Variants in GUCY1A2 observed in about 807,000 individuals in gnomAD.
The protein encoded by GUCY1A2 is guanylate cyclase soluble subunit alpha-2.
Under a neutral mutation model 63.5 loss-of-function variants are expected in GUCY1A2, and 27 were observed. The observed-to-expected ratio is 0.43, with a 90% CI of 0.31 to 0.59. GUCY1A2 has a LOEUF of 0.59. GUCY1A2 is among the 20% of genes least tolerant of loss of function. The probability of loss-of-function intolerance (pLI) is 0.11; values close to 1 mark genes in which losing one functional copy is unlikely to be tolerated. For missense variants in GUCY1A2, 768 were observed against 913.3 expected (o/e 0.84, Z 2.05); for synonymous variants, 364 against 343.5 (o/e 1.06, Z -0.66).
At chr11:106,968,555 C>T (rs1026030490) in intron 3 of GUCY1A2, among the ~76,000 whole-genome samples, 4 of 152,084 alleles carry the variant, frequency 2.6e-5, no homozygotes, top group Non-Finnish European at 5.9e-5. Flanking sequence ...AAATCACATG[C>T]GTTTCTTGTT....
chr11:106,747,472 A>G (rs948371619), intron 6 of GUCY1A2, among the ~76,000 whole-genome samples: 1 of 152,202 alleles, frequency 6.6e-6, no homozygotes, highest in East Asian at 1.9e-4. Flanking sequence ...ATACTGGAGG[A>G]TCTACTGCAA....
chr11:106,891,119 CCT>C (rs145358185), intron 4 of GUCY1A2, among the ~76,000 whole-genome samples: 3,656 of 152,202 alleles, frequency 0.024, 139 homozygotes, highest in African/African-American at 0.082. Flanking sequence ...TCAATTTGCT[CCT>C]TATCCTTGCT....
intron 3 of GUCY1A2, among the ~76,000 whole-genome samples, chr11:106,950,973 T>C (rs938051839): frequency 3.3e-5 from 5 of 152,170 alleles, no homozygotes; most frequent in South Asian, 2.1e-4. Context: ...CTCCCACTTA[T>C]GAGTGAGAAC....
At chr11:106,863,201 T>C (rs144239703) in intron 4 of GUCY1A2, among the ~76,000 whole-genome samples, 1,999 of 152,322 alleles carry the variant, frequency 0.013, 44 homozygotes, top group African/African-American at 0.045. Context: ...GTTTTAGTCA[T>C]GAAGTCTTTG....
At chr11:106,708,973 G>C (rs973623306) in intron 6 of GUCY1A2, among the ~76,000 whole-genome samples, 2 of 150,548 alleles carry the variant, frequency 1.3e-5, no homozygotes, top group Non-Finnish European at 3.0e-5. Context: ...ATGTAATATG[G>C]TCTAACTTGA....
intron 4 of GUCY1A2, among the ~76,000 whole-genome samples, chr11:106,877,303 G>A (rs774867693): frequency 2.0e-5 from 3 of 151,894 alleles, no homozygotes; most frequent in Non-Finnish European, 4.4e-5. Context: ...CTATTTGGAT[G>A]CCCTTTATTT....
chr11:106,730,421 C>T (rs1212159643), intron 6 of GUCY1A2, among the ~76,000 whole-genome samples: 1 of 151,930 alleles, frequency 6.6e-6, no homozygotes, highest in Non-Finnish European at 1.5e-5. Flanking sequence ...TCAGCTCCAT[C>T]CATGTTGCTT....
intron 4 of GUCY1A2, among the ~76,000 whole-genome samples, chr11:106,872,829 T>C (rs951134026): frequency 4.6e-5 from 7 of 152,304 alleles, no homozygotes; most frequent in African/African-American, 1.4e-4. Flanking sequence ...CAGCTACACA[T>C]GTGCAGAACG....
At chr11:106,858,784 C>A (rs1591304560) in intron 4 of GUCY1A2, among the ~76,000 whole-genome samples, 1 of 152,232 alleles carries the variant, frequency 6.6e-6, no homozygotes, top group South Asian at 2.1e-4. Context: ...TGCCAGTCCA[C>A]TCCCAGCTTT....
At chr11:106,844,037 A>T (rs1859238362) in intron 4 of GUCY1A2, among the ~76,000 whole-genome samples, 1 of 151,850 alleles carries the variant, frequency 6.6e-6, no homozygotes, top group Admixed American at 6.6e-5. Flanking sequence ...TTGCACATGT[A>T]TGTTTATGAA....
intron 6 of GUCY1A2, among the ~76,000 whole-genome samples, chr11:106,738,975 C>T (rs993899574): frequency 2.6e-5 from 4 of 152,100 alleles, no homozygotes; most frequent in African/African-American, 7.2e-5. Flanking sequence ...TCTATAATTA[C>T]TTTGGGCAGT....
chr11:106,900,325 A>C (rs958952946), intron 4 of GUCY1A2, among the ~76,000 whole-genome samples: 32 of 152,112 alleles, frequency 2.1e-4, no homozygotes, highest in African/African-American at 7.0e-4. Flanking sequence ...CTGAGACTAC[A>C]GCTGCAAGCC....
At chr11:106,794,961 ATTGCTGATACTGTTGATTAAT>A (rs1864727959) in intron 5 of GUCY1A2, among the ~76,000 whole-genome samples, 1 of 152,152 alleles carries the variant, frequency 6.6e-6, no homozygotes, top group Admixed American at 6.6e-5. Flanking sequence ...GATGGAGTCA[ATTGCTGATACTGTTGATTAAT>A]TTACAACAAT....
intron 6 of GUCY1A2, among the ~76,000 whole-genome samples, chr11:106,740,524 T>C (rs1863674848): frequency 6.6e-6 from 1 of 152,182 alleles, no homozygotes; most frequent in Non-Finnish European, 1.5e-5. Context: ...GTACTTGAAA[T>C]GCTAACACCA....
intron 4 of GUCY1A2, among the ~76,000 whole-genome samples, chr11:106,922,565 T>A (rs976941967): frequency 3.3e-5 from 5 of 149,686 alleles, no homozygotes; most frequent in African/African-American, 1.2e-4. Context: ...TATATATATA[T>A]GTTTTTAAAA....
intron 6 of GUCY1A2, among the ~76,000 whole-genome samples, chr11:106,732,526 T>C (rs751586121): frequency 1.3e-5 from 2 of 152,172 alleles, no homozygotes; most frequent in Non-Finnish European, 2.9e-5. Flanking sequence ...AATATTTAAA[T>C]GTTAAAGATT....
At chr11:106,798,714 G>A (rs1365276263) in intron 5 of GUCY1A2, among the ~76,000 whole-genome samples, 10 of 151,846 alleles carry the variant, frequency 6.6e-5, no homozygotes, top group Non-Finnish European at 1.3e-4. Flanking sequence ...AAATTCAACA[G>A]CCCTTCATGC....
intron 1 of GUCY1A2, among the ~76,000 whole-genome samples, chr11:107,017,338 C>T (rs901315933): frequency 6.6e-6 from 1 of 152,114 alleles, no homozygotes; most frequent in Non-Finnish European, 1.5e-5. Context: ...GGGGTTGGGG[C>T]TCCTTTGGGA....
intron 4 of GUCY1A2, among the ~76,000 whole-genome samples, chr11:106,847,445 A>G (rs1399543927): frequency 1.3e-5 from 2 of 151,462 alleles, no homozygotes; most frequent in Non-Finnish European, 3.0e-5. Context: ...GAAATAATCA[A>G]TACTAATCAT....
Sources: gnomAD v4.1 joint callset for allele counts (sites outside exome capture counted in the v4.1 genomes callset) on GRCh38, gnomAD v4.1.1 for gene constraint, MANE v1.5 for transcripts, NCBI Gene and HGNC (gene_info 2026-07-23, HGNC 2026-07-21) for gene names.